Variants in SLC12A7 observed in about 807,000 individuals in gnomAD.
SLC12A7 encodes solute carrier family 12 member 7, also known as K-Cl cotransporter 4.
A neutral mutation model predicts 120.6 loss-of-function variants in SLC12A7; 100 were observed. The ratio of observed to expected loss-of-function variants is 0.83; its 90% CI spans 0.71 to 0.98. The LOEUF is 0.98. Ranked by LOEUF, SLC12A7 falls within the 50% of genes least tolerant of loss-of-function variation. The pLI is 0.00. For synonymous variants in SLC12A7, 760 were observed against 678.0 expected, an observed-to-expected ratio of 1.12 and a Z score of -1.88; for missense variants, 1,373 against 1,548.1, an observed-to-expected ratio of 0.89 and a Z score of 1.90.
chr5:1,150,326 G>A, the SLC12A7 span, among the ~76,000 whole-genome samples: 118 of 143,286 alleles, frequency 8.2e-4, no homozygotes, highest in African/African-American at 3.0e-3. Flanking sequence ...CGACATCCAT[G>A]CACACACACC....
At chr5:1,108,963 A>C (rs1742779758) in intron 1 of SLC12A7, among the ~76,000 whole-genome samples, 1 of 152,154 alleles carries the variant, frequency 6.6e-6, no homozygotes, top group Non-Finnish European at 1.5e-5. Flanking sequence ...AAAATCTCAG[A>C]AACGGAACCC....
At chr5:1,120,920 C>T in the SLC12A7 span, among the ~76,000 whole-genome samples, 1 of 152,228 alleles carries the variant, frequency 6.6e-6, no homozygotes, top group East Asian at 1.9e-4. Context: ...GCGAAGGGCT[C>T]CTGGGCCTGC....
intron 9 of SLC12A7, among the ~76,000 whole-genome samples, chr5:1,079,796 C>T (rs555099056): frequency 6.6e-6 from 1 of 152,114 alleles, no homozygotes; most frequent in African/African-American, 2.4e-5. Flanking sequence ...CTGTGTTAAT[C>T]CCATGGCCAA....
chr5:1,148,767 G>A, the SLC12A7 span, among the ~76,000 whole-genome samples: 1 of 152,186 alleles, frequency 6.6e-6, no homozygotes, highest in Non-Finnish European at 1.5e-5. Context: ...AAGGGTTAAA[G>A]CAGAGGGACT....
At position 1,051,660 on chromosome 5, in the gene SLC12A7, C is replaced by T. The variant is rs1307020560; in HGVS notation, c.*700G>A. ...TTCCCGGAGCGTAGGCCCTGATGAA[C>T]TGAACGTGTTCACCACACACCCGAC... On this transcript the variant is annotated 3_prime_UTR_variant, in exon 24 of 24. Transcript: ENST00000264930. 1 of 152,362 alleles carries T rather than the reference C, an allele frequency of 6.6e-6. No homozygotes were observed. Among genetic ancestry groups the T allele is most frequent in the Non-Finnish European group, 1.5e-5 (1 of 68,152 alleles). 9.4% of individuals were successfully genotyped at this position (152,362 alleles called of 1,614,324 possible).
chr5:1,054,869 A>T (rs1333468278), intron 22 of SLC12A7, among the ~76,000 whole-genome samples: 1 of 152,244 alleles, frequency 6.6e-6, no homozygotes, highest in Non-Finnish European at 1.5e-5. Flanking sequence ...AGCACAGTCA[A>T]GGGGCTTTCG....
intron 7 of SLC12A7, among the ~76,000 whole-genome samples, chr5:1,084,716 G>A (rs937887290): frequency 1.6e-4 from 25 of 152,122 alleles, no homozygotes; most frequent in African/African-American, 6.0e-4. Context: ...ACGCAGAGAC[G>A]GCAAAACCGC....
intron 21 of SLC12A7, among the ~76,000 whole-genome samples, chr5:1,059,395 A>AG (rs1283967037): frequency 1.3e-5 from 2 of 152,186 alleles, no homozygotes; most frequent in Non-Finnish European, 2.9e-5. Flanking sequence ...CCAAGGCCCC[A>AG]GGGCAGGCAA....
At chr5:1,080,285 G>T (rs55898056) in intron 9 of SLC12A7, among the ~76,000 whole-genome samples, 9 of 2,602 alleles carry the variant, frequency 3.5e-3, no homozygotes, top group Admixed American at 0.037. Flanking sequence ...CACCCACGGC[G>T]CGGAGACACC....
the SLC12A7 span, among the ~76,000 whole-genome samples, chr5:1,155,006 G>A: frequency 6.6e-6 from 1 of 152,210 alleles, no homozygotes; most frequent in Non-Finnish European, 1.5e-5. Flanking sequence ...CTGGCGGGGG[G>A]CACTCCATGG....
At position 1,052,293 on chromosome 5, in the gene SLC12A7, A is replaced by G. The variant is rs559194290; in HGVS notation, c.*67T>C. On this transcript the variant is annotated 3_prime_UTR_variant, in exon 24 of 24. Transcript: ENST00000264930. ...GTCTGCCGTCTGTTTCCCTGGGCCAAGCCCAGGCCCAGGCTGCCCACGCCG... is the reference window on the plus strand; with the variant it reads ...GTCTGCCGTCTGTTTCCCTGGGCCAGGCCCAGGCCCAGGCTGCCCACGCCG... 1 of 1,349,854 alleles carries G rather than the reference A, an allele frequency of 7.4e-7. No homozygotes were observed. Among genetic ancestry groups the G allele is most frequent in the South Asian group, 1.2e-5 (1 of 85,470 alleles). 83.6% of individuals were successfully genotyped at this position (1,349,854 alleles called of 1,614,324 possible). A position where few individuals can be genotyped will look rare whatever the true frequency, so the allele number is the denominator to read the frequency against.
chr5:1,083,654 G>T, intron 8 of SLC12A7, 91 bp downstream of exon 8: 2 of 1,344,392 alleles, frequency 1.5e-6, no homozygotes, highest in Non-Finnish European at 2.1e-6. Flanking sequence ...TTGGGGCCCT[G>T]AGAGTGACTC....
intron 20 of SLC12A7, among the ~76,000 whole-genome samples, chr5:1,061,506 C>A (rs1561036043): frequency 9.0e-6 from 1 of 111,232 alleles, no homozygotes. Context: ...TGAGTCTCAC[C>A]CGCCGCACCC....
In SLC12A7 at chr5:1,078,013, G is replaced by T; in HGVS notation, c.1455-6C>A. The T allele has an allele frequency of 6.5e-7, 1 of 1,545,416 alleles. No individual in the cohort carries two copies. Among genetic ancestry groups the T allele is most frequent in the African/African-American group, 1.4e-5 (1 of 72,428 alleles). ...CCTGCAGGGCCTCCCCGAACCTGCA[G>T]GCAGGCGGGCAGGCGGGCGGGCGGC... On this transcript the variant is annotated splice_polypyrimidine_tract_variant and splice_region_variant and intron_variant, in intron 11 of 23. Coordinates refer to ENST00000264930, the MANE Select transcript of SLC12A7 (RefSeq NM_006598.3).
At chr5:1,102,080 G>A (rs1010961789) in intron 1 of SLC12A7, among the ~76,000 whole-genome samples, 1 of 152,234 alleles carries the variant, frequency 6.6e-6, no homozygotes, top group Non-Finnish European at 1.5e-5. Flanking sequence ...CTGATGGGCT[G>A]GGCCCTTGGG....
chr5:1,080,186 C>T (rs1450212561), intron 9 of SLC12A7, among the ~76,000 whole-genome samples: 1 of 149,650 alleles, frequency 6.7e-6, no homozygotes, highest in Non-Finnish European at 1.5e-5. Context: ...CAGAGACACC[C>T]GGAGCCACGC....
chr5:1,134,500 C>T, the SLC12A7 span, among the ~76,000 whole-genome samples: 3 of 151,722 alleles, frequency 2.0e-5, no homozygotes, highest in South Asian at 2.1e-4. Context: ...CCCATGAAGA[C>T]GGCTACTATC....
intron 22 of SLC12A7, among the ~76,000 whole-genome samples, chr5:1,054,944 AC>A (rs1348427889): frequency 6.6e-6 from 1 of 152,184 alleles, no homozygotes; most frequent in Non-Finnish European, 1.5e-5. Context: ...GTGTTTGGGG[AC>A]AAAGAGCAGC....
chr5:1,123,733 A>G, the SLC12A7 span, among the ~76,000 whole-genome samples: 4 of 152,222 alleles, frequency 2.6e-5, no homozygotes. Context: ...GCCTCCATCA[A>G]ACAGTGTTGC....
Sources: allele counts gnomAD v4.1 joint callset (sites outside exome capture counted in the v4.1 genomes callset), GRCh38; gene constraint gnomAD v4.1.1; transcripts MANE v1.5; gene names NCBI Gene and HGNC (gene_info 2026-07-23, HGNC 2026-07-21).